PLD5: variants seen among roughly 807,000 people sequenced by gnomAD.
The protein encoded by PLD5 is inactive phospholipase D5.
In PLD5, 36 loss-of-function variants were observed where a neutral mutation model predicts 61.1. The ratio of observed to expected loss-of-function variants is 0.59; its 90% CI spans 0.45 to 0.78. The LOEUF is 0.78. Among genes scored for constraint, PLD5 ranks in the 30% least tolerant of loss-of-function variants. The pLI is 0.00. For missense variants in PLD5, 515 were observed against 644.4 expected (o/e 0.80, Z 2.17); for synonymous variants, 243 against 242.8 (o/e 1.00, Z -0.01).
At chr1:242,218,449 A>G (rs908242678) in intron 5 of PLD5, among the ~76,000 whole-genome samples, 1 of 152,180 alleles carries the variant, frequency 6.6e-6, no homozygotes, top group Non-Finnish European at 1.5e-5. Flanking sequence ...ATAGAAGCAA[A>G]CACATACTGA....
Position 242,412,020 on chromosome 1 carries a change from A to G in PLD5, c.190-63778T>C, listed in dbSNP as rs147070883. Among the ~76,000 whole-genome samples, 318 of 152,314 alleles carry G rather than the reference A, an allele frequency of 2.1e-3. 1 individual carries two copies. Among genetic ancestry groups the G allele is most frequent in the African/African-American group, 6.6e-3 (273 of 41,574 alleles). ...TTTAGTTAGTGCTCAGTAAATCTAC[A>G]TTTTACCCACAATCAGGTGAGCATT... On this transcript the variant is annotated intron_variant, in intron 1 of 9. Coordinates refer to ENST00000536534, the MANE Select transcript of PLD5 (RefSeq NM_001372062.1).
intron 1 of PLD5, among the ~76,000 whole-genome samples, chr1:242,459,211 T>G (rs1360378299): frequency 3.3e-5 from 5 of 152,234 alleles, no homozygotes; most frequent in African/African-American, 4.8e-5. Context: ...CGTTTCAATA[T>G]AATAAGTCTG....
At chr1:242,217,014 A>G (rs1057513828) in intron 5 of PLD5, among the ~76,000 whole-genome samples, 2 of 152,258 alleles carry the variant, frequency 1.3e-5, no homozygotes, top group Non-Finnish European at 2.9e-5. Flanking sequence ...TGAATACAGC[A>G]TGGCTTACTG....
chr1:242,226,513 C>G (rs1670954531), intron 4 of PLD5, among the ~76,000 whole-genome samples: 1 of 152,202 alleles, frequency 6.6e-6, no homozygotes, highest in African/African-American at 2.4e-5. Flanking sequence ...TTATAAAATA[C>G]TTTCATGCTA....
intron 1 of PLD5, among the ~76,000 whole-genome samples, chr1:242,431,077 T>C (rs947356278): frequency 6.6e-6 from 1 of 152,208 alleles, no homozygotes; most frequent in African/African-American, 2.4e-5. Context: ...GAAATACACA[T>C]AACATAAAAT....
In PLD5 at chr1:242,207,960, A is replaced by ACATT. The variant is rs1558344823; in HGVS notation, c.735+12027_735+12028insAATG. ...TATATTTATATATATTTATTTATATATATTTATATATATTTTTATATATAT... is the reference window on the plus strand; with the variant it reads ...TATATTTATATATATTTATTTATATACATTTATTTATATATATTTTTATATATAT... On this transcript the variant is annotated intron_variant, in intron 5 of 9. Coordinates refer to ENST00000536534, the MANE Select transcript of PLD5 (RefSeq NM_001372062.1). 1.8e-4 allele frequency among the ~76,000 whole-genome samples: 5 copies of ACATT among 27,318 alleles called. 1 individual carries two copies. Among genetic ancestry groups the ACATT allele is most frequent in the Admixed American group, 1.7e-3 (2 of 1,204 alleles). 17.9% of individuals were successfully genotyped at this position (27,318 alleles called of 152,430 possible).
intron 1 of PLD5, among the ~76,000 whole-genome samples, chr1:242,507,344 T>G (rs1424237963): frequency 6.6e-6 from 1 of 152,222 alleles, no homozygotes; most frequent in Non-Finnish European, 1.5e-5. Context: ...CCATGGATGT[T>G]GTGCAGAAGT....
At chr1:242,183,856 C>T (rs1667692770) in intron 5 of PLD5, among the ~76,000 whole-genome samples, 1 of 152,122 alleles carries the variant, frequency 6.6e-6, no homozygotes, top group African/African-American at 2.4e-5. Context: ...GATCGCGCCA[C>T]TGCACTCCAG....
At chr1:242,093,446 A>G (rs1253031515) in intron 9 of PLD5, among the ~76,000 whole-genome samples, 1 of 152,140 alleles carries the variant, frequency 6.6e-6, no homozygotes, top group East Asian at 1.9e-4. Flanking sequence ...CAGTCAATAT[A>G]TCATCTCATT....
chr1:242,525,446 C>A (rs1450618077), upstream of PLD5, among the ~76,000 whole-genome samples: 1 of 152,222 alleles, frequency 6.6e-6, no homozygotes, highest in Admixed American at 6.5e-5. Context: ...TGTTTCTAGG[C>A]CCCTAGGGTC....
At chr1:242,272,909 T>G (rs1039967476) in intron 3 of PLD5, among the ~76,000 whole-genome samples, 1 of 150,300 alleles carries the variant, frequency 6.7e-6, no homozygotes, top group African/African-American at 2.5e-5. Flanking sequence ...TTTTTGTTTG[T>G]TTTTTTTTCT....
intron 1 of PLD5, among the ~76,000 whole-genome samples, chr1:242,397,543 G>T (rs751826811): frequency 6.6e-6 from 1 of 151,796 alleles, no homozygotes; most frequent in African/African-American, 2.4e-5. Context: ...TCTCCATAAG[G>T]CTCAACGCAT....
intron 5 of PLD5, chr1:242,209,062 C>T (rs763307816): frequency 1.3e-5 from 2 of 152,206 alleles, no homozygotes; most frequent in Non-Finnish European, 2.9e-5. Context: ...ATGGTTTTCA[C>T]ATTTTCCTTC....
chr1:242,215,163 C>T (rs1670094175), intron 5 of PLD5, among the ~76,000 whole-genome samples: 1 of 151,344 alleles, frequency 6.6e-6, no homozygotes, highest in South Asian at 2.1e-4. Context: ...GCTGGGATTA[C>T]AGGTGTGAGC....
chr1:242,327,408 A>G (rs1167813468), intron 2 of PLD5, among the ~76,000 whole-genome samples: 3 of 152,232 alleles, frequency 2.0e-5, no homozygotes, highest in African/African-American at 7.2e-5. Flanking sequence ...TTGACAATAT[A>G]GAGTTCTTTA....
chr1:242,140,886 G>A (rs1221981343), intron 5 of PLD5, among the ~76,000 whole-genome samples: 1 of 152,162 alleles, frequency 6.6e-6, no homozygotes, highest in Non-Finnish European at 1.5e-5. Context: ...CCTCCAAGAG[G>A]AGCCACAGCT....
chr1:242,125,348 A>C lies in PLD5; in HGVS notation c.736-683T>G, dbSNP rs1054692955. On this transcript the variant is annotated intron_variant, in intron 5 of 9. Transcript: ENST00000536534. ...CCAATAGCATCTTAAAAGACCACAG[A>C]GATCATTTTGTCCACCTCTCTCAAG... 1.3e-4 allele frequency among the ~76,000 whole-genome samples: 20 copies of C among 152,338 alleles called. No homozygotes were observed. The South Asian group carries it at 1.5e-3, about 11-fold the overall frequency.
At chr1:242,460,346 A>T (rs1253254241) in intron 1 of PLD5, among the ~76,000 whole-genome samples, 1 of 152,000 alleles carries the variant, frequency 6.6e-6, no homozygotes, top group Admixed American at 6.6e-5. Context: ...AGCTCTCACT[A>T]TCTTGTGTGT....
At chr1:242,198,173 C>T (rs7541807) in intron 5 of PLD5, among the ~76,000 whole-genome samples, 46,539 of 151,994 alleles carry the variant, frequency 0.31, 7,318 homozygotes, top group South Asian at 0.41. Flanking sequence ...TGCGGCAGGC[C>T]AAGTGTATTT....
Sources: gnomAD v4.1 joint callset for allele counts (sites outside exome capture counted in the v4.1 genomes callset) on GRCh38, gnomAD v4.1.1 for gene constraint, MANE v1.5 for transcripts, NCBI Gene and HGNC (gene_info 2026-07-23, HGNC 2026-07-21) for gene names.